CRYBB1: variants seen among roughly 807,000 people sequenced by gnomAD.
CRYBB1 encodes beta-crystallin B1.
A neutral mutation model predicts 29.5 loss-of-function variants in CRYBB1; 16 were observed. That is an observed-to-expected ratio of 0.54 (90% CI 0.37 to 0.82). The LOEUF (loss-of-function observed/expected upper bound fraction) is 0.82. Ranked by LOEUF, CRYBB1 falls within the 40% of genes least tolerant of loss-of-function variation. The probability of loss-of-function intolerance (pLI) is 0.00; values close to 1 mark genes in which losing one functional copy is unlikely to be tolerated. For synonymous variants in CRYBB1, 127 were observed against 136.7 expected, an observed-to-expected ratio of 0.93 and a Z score of 0.49; for missense variants, 300 against 350.5, an observed-to-expected ratio of 0.86 and a Z score of 1.15.
intron 2 of CRYBB1, among the ~76,000 whole-genome samples, chr22:26,614,764 A>G (rs1929290940): frequency 6.6e-6 from 1 of 152,196 alleles, no homozygotes; most frequent in African/African-American, 2.4e-5. Context: ...GGCGGAGGCT[A>G]GGAGTTCGAG....
Position 26,612,186 on chromosome 22 carries a change from A to C in CRYBB1, c.185T>G (p.Val62Gly), listed in dbSNP as rs1478625681. The C allele has an allele frequency of 6.2e-7, 1 of 1,612,020 alleles. No homozygotes were observed. Among genetic ancestry groups the C allele is most frequent in the Non-Finnish European group, 8.5e-7 (1 of 1,178,308 alleles). ...AELPPGNYRL[V>G]VFELENFQGR... ...CTGGAAGTTTTCCAGTTCGAAGACC[A>C]CCAGCTGCAGGAGAGAAGCCCCCAT... The change falls in exon 3 of 6, where the codon GTG becomes GGG. Residue 62 changes from valine to glycine, a missense_variant. Transcript: ENST00000647684.
chr22:26,607,296 A>G (rs1332093077), intron 4 of CRYBB1, among the ~76,000 whole-genome samples: 3 of 152,078 alleles, frequency 2.0e-5, no homozygotes, highest in Non-Finnish European at 4.4e-5. Flanking sequence ...TGCTGGGATT[A>G]CAGGCATGGG....
rs765223562 is a variant in CRYBB1 at position 26,599,635 on chromosome 22, T to G, written c.614A>C (p.Gln205Pro). 13 of 1,614,186 alleles carry G rather than the reference T, an allele frequency of 8.1e-6. No individual in the cohort carries two copies. The highest frequency in any genetic ancestry group is 1.0e-5 in the Non-Finnish European group (12 of 1,180,016). The change falls in exon 6 of 6, where the codon CAG becomes CCG. Residue 205 changes from glutamine (Q) to proline (P), a missense_variant. Physicochemically the swap from Gln to Pro is moderately conservative, Grantham distance 76. Transcript: ENST00000647684. ...GAAGTCACCAGGCTCTAGGAGGTAC[T>G]GGTACCCGCGGTAGCCAGGATACTG... ...GYQYPGYRGYQYLLEPGDFRH... is the reference protein window; with the variant it reads ...GYQYPGYRGYPYLLEPGDFRH...
chr22:26,612,700 A>G (rs1929216714), intron 2 of CRYBB1, among the ~76,000 whole-genome samples: 1 of 152,220 alleles, frequency 6.6e-6, no homozygotes, highest in Non-Finnish European at 1.5e-5. Context: ...TTAGGAACTT[A>G]TGAACCTCCC....
rs762814574 is a variant in CRYBB1, at chr22:26,612,154, G to A, written c.217C>T (p.Arg73Ter). 16 of 1,613,884 alleles carry A rather than the reference G, an allele frequency of 9.9e-6. No individual in the cohort carries two copies. Among genetic ancestry groups the A allele is most frequent in the Middle Eastern group, 1.6e-4 (1 of 6,062 alleles). ...GAGCACTCCCCCGAGAATTCTGCTC[G>A]ACGGCCCTGGAAGTTTTCCAGTTCG... ...VFELENFQGR[R>*]AEFSGECSNL... The change falls in exon 3 of 6, where the codon CGA (arginine) becomes TGA (stop). Residue 73 changes from arginine (R) to a stop codon, truncating the protein, a stop_gained. Transcript: ENST00000647684. LOFTEE classifies it high-confidence loss of function.
chr22:26,616,108 G>A, intron 2 of CRYBB1, 32 bp downstream of exon 2: 1 of 1,578,298 alleles, frequency 6.3e-7, no homozygotes, highest in Non-Finnish European at 8.7e-7. Flanking sequence ...AAGAAGGCAT[G>A]GCACCCAGCC....
rs1217167179 is a variant in CRYBB1, at chr22:26,612,116, G to T, written c.255C>A (p.Asp85Glu). 1 of 1,613,930 alleles carries T rather than the reference G, an allele frequency of 6.2e-7. No individual in the cohort carries two copies. Among genetic ancestry groups the T allele is most frequent in the South Asian group, 1.1e-5 (1 of 91,064 alleles). Residue 85 changes from aspartate (D) to glutamate (E), a missense_variant, in exon 3 of 6, where the codon GAC (aspartate) becomes GAA (glutamate). Physicochemically the swap from Asp to Glu is conservative, Grantham distance 45. Transcript: ENST00000647684. ...EFSGECSNLA[D>E]RGFDRVRSII... ...TGCTGCGCACACGGTCGAAGCCACGGTCTGCCAGATTTGAGCACTCCCCCG... is the reference window on the plus strand; with the variant it reads ...TGCTGCGCACACGGTCGAAGCCACGTTCTGCCAGATTTGAGCACTCCCCCG...
At position 26,612,059 on chromosome 22, in the gene CRYBB1, G is replaced by T; in HGVS notation, c.299+13C>A. On this transcript the variant is annotated intron_variant, in intron 3 of 5. Transcript: ENST00000647684. ...GTGGCAGAGAGTGTGCCCCTCCGCC[G>T]CCCAGTACTCACGGTCCCGCGGAGA... 1.9e-6 allele frequency: 3 copies of T among 1,591,210 alleles called. No individual in the cohort carries two copies. Among genetic ancestry groups the T allele is most frequent in the Non-Finnish European group, 2.6e-6 (3 of 1,160,060 alleles).
At chr22:26,611,837 C>A (rs1425636843) in intron 3 of CRYBB1, among the ~76,000 whole-genome samples, 1 of 152,114 alleles carries the variant, frequency 6.6e-6, no homozygotes, top group Non-Finnish European at 1.5e-5. Context: ...TGGCTTACTG[C>A]CAGTGTGATC....
intron 4 of CRYBB1, among the ~76,000 whole-genome samples, chr22:26,606,920 T>A (rs1229688941): frequency 6.6e-6 from 1 of 152,150 alleles, no homozygotes; most frequent in Non-Finnish European, 1.5e-5. Context: ...TGACCTTGAA[T>A]CTTCTGGAAG....
At chr22:26,612,847 G>A (rs1929221797) in intron 2 of CRYBB1, among the ~76,000 whole-genome samples, 1 of 152,154 alleles carries the variant, frequency 6.6e-6, no homozygotes, top group African/African-American at 2.4e-5. Context: ...AGGCTCAGGT[G>A]CCACCTTCTC....
intron 4 of CRYBB1, among the ~76,000 whole-genome samples, chr22:26,607,419 TG>T (rs1197978472): frequency 6.6e-6 from 1 of 151,996 alleles, no homozygotes; most frequent in Non-Finnish European, 1.5e-5. Flanking sequence ...AGGCCTGGCA[TG>T]GTGGCTCACG....
At chr22:26,611,719 C>T (rs1343346344) in intron 3 of CRYBB1, among the ~76,000 whole-genome samples, 1 of 152,116 alleles carries the variant, frequency 6.6e-6, no homozygotes, top group African/African-American at 2.4e-5. Flanking sequence ...CGTGATCCAC[C>T]CGCCTCGGCC....
At chr22:26,607,797 A>G (rs1242600760) in intron 4 of CRYBB1, 92 bp downstream of exon 4, 33 of 1,580,372 alleles carry the variant, frequency 2.1e-5, no homozygotes, top group Non-Finnish European at 2.8e-5. Context: ...CCTACCCACC[A>G]TCATCTCCTT....
rs1357213421 is a variant in CRYBB1, at chr22:26,618,026, A to G, written c.-69T>C. On this transcript the variant is annotated 5_prime_UTR_variant, in exon 1 of 6. Transcript: ENST00000647684. ...GAGGACAGGCAGGCGGGCAGGTGCT[A>G]TGGGTGACTAGAGTCCGACCCCCCA... 1 of 153,234 alleles carries G rather than the reference A, an allele frequency of 6.5e-6. No individual in the cohort carries two copies. Among genetic ancestry groups the G allele is most frequent in the Non-Finnish European group, 1.5e-5 (1 of 68,552 alleles). The allele number at this position is 153,234 out of a possible 1,614,324, so 9.5% of individuals were successfully genotyped here.
In CRYBB1 at chr22:26,599,372, C is replaced by T; in HGVS notation, c.*118G>A. ...CTATGGGGGACCTCAAGGCACACAT[C>T]TGTTTACAGATCCAGGAGAAATTTT... is the stretch of plus-strand genomic sequence containing the variant. On this transcript the variant is annotated 3_prime_UTR_variant, in exon 6 of 6. Coordinates refer to ENST00000647684, the MANE Select transcript of CRYBB1 (RefSeq NM_001887.4). 1 of 946,018 alleles carries T rather than the reference C, an allele frequency of 1.1e-6. No individual in the cohort carries two copies. Among genetic ancestry groups the T allele is most frequent in the Non-Finnish European group, 1.6e-6 (1 of 607,130 alleles). The allele number at this position is 946,018 out of a possible 1,614,324, so 58.6% of individuals were successfully genotyped here.
chr22:26,611,553 C>A (rs1019673310), intron 3 of CRYBB1, among the ~76,000 whole-genome samples: 7 of 151,336 alleles, frequency 4.6e-5, no homozygotes, highest in Non-Finnish European at 1.0e-4. Flanking sequence ...CGGCTCACTG[C>A]AAGCTCCGCT....
At chr22:26,607,019 C>CTTTT (rs34126720) in intron 4 of CRYBB1, among the ~76,000 whole-genome samples, 15 of 111,958 alleles carry the variant, frequency 1.3e-4, no homozygotes, top group East Asian at 5.0e-4. Context: ...TATCCCTCTC[C>CTTTT]TTTTTTTTTT....
chr22:26,616,448 CCTT>C (rs1475224227), intron 1 of CRYBB1, 110 bp from the exon 2 acceptor site: 2 of 745,810 alleles, frequency 2.7e-6, no homozygotes, highest in South Asian at 1.5e-5. Flanking sequence ...CTCTCTATCT[CCTT>C]CTGAAACGGT....
Sources: allele counts gnomAD v4.1 joint callset (sites outside exome capture counted in the v4.1 genomes callset), GRCh38; gene constraint gnomAD v4.1.1; transcripts MANE v1.5; gene names NCBI Gene and HGNC (gene_info 2026-07-23, HGNC 2026-07-21).